XKR9: variants seen among roughly 807,000 people sequenced by gnomAD.
XKR9 encodes XK-related protein 9.
A neutral mutation model predicts 32.0 loss-of-function variants in XKR9; 32 were observed. That is an observed-to-expected ratio of 1.00 (90% CI 0.76 to 1.34). XKR9 has a LOEUF of 1.34. XKR9 is among the 40% of genes most tolerant of loss of function. The pLI, the probability that XKR9 is intolerant of heterozygous loss-of-function variation, is 0.00. For synonymous variants in XKR9, 168 were observed against 143.4 expected (o/e 1.17, Z -1.22); for missense variants, 546 against 429.7 (o/e 1.27, Z -2.39).
the XKR9 span, among the ~76,000 whole-genome samples, chr8:70,808,747 G>A: frequency 6.6e-6 from 1 of 152,224 alleles, no homozygotes; most frequent in African/African-American, 2.4e-5. Context: ...CGAGGCTGGG[G>A]AGGGGCGCCA....
the XKR9 span, among the ~76,000 whole-genome samples, chr8:70,988,076 G>T: frequency 6.6e-6 from 1 of 152,152 alleles, no homozygotes; most frequent in Non-Finnish European, 1.5e-5. Context: ...CCTGGGCCTG[G>T]TCAATGAAAC....
chr8:70,965,159 G>A, the XKR9 span, among the ~76,000 whole-genome samples: 4 of 152,064 alleles, frequency 2.6e-5, no homozygotes, highest in Admixed American at 6.6e-5. Flanking sequence ...AACATGAAGG[G>A]TTGTTGAATT....
At chr8:70,737,313 G>C (rs1319978671), downstream of XKR9, among the ~76,000 whole-genome samples, 1 of 146,466 alleles carries the variant, frequency 6.8e-6, no homozygotes, top group East Asian at 1.9e-4. Flanking sequence ...TTTGTACATT[G>C]ATTTTGTATC....
chr8:70,885,599 A>G, the XKR9 span, among the ~76,000 whole-genome samples: 1 of 146,394 alleles, frequency 6.8e-6, no homozygotes, highest in African/African-American at 2.5e-5. Flanking sequence ...CTGGTGTGTG[A>G]TTTTTTTTTT....
At chr8:70,762,501 T>C (rs112823837) in intron 2 of XKR9, among the ~76,000 whole-genome samples, 37 of 152,264 alleles carry the variant, frequency 2.4e-4, no homozygotes, top group African/African-American at 8.2e-4. Context: ...CAGATCCAGA[T>C]TGTCTGCTCC....
chr8:70,671,506 C>T (rs1818715551), intron 1 of XKR9, among the ~76,000 whole-genome samples: 2 of 85,138 alleles, frequency 2.3e-5, no homozygotes, highest in African/African-American at 7.2e-5. Flanking sequence ...ACCACAGTCC[C>T]CAGAGTGTGA....
At chr8:71,032,031 A>G in the XKR9 span, among the ~76,000 whole-genome samples, 6 of 152,276 alleles carry the variant, frequency 3.9e-5, no homozygotes, top group Non-Finnish European at 7.4e-5. Flanking sequence ...ACGGTGGCTT[A>G]CGCCTGTAAT....
the XKR9 span, among the ~76,000 whole-genome samples, chr8:71,057,927 G>T: frequency 1.3e-5 from 2 of 152,100 alleles, no homozygotes; most frequent in African/African-American, 4.8e-5. Context: ...GCTTATGCCC[G>T]TAATCCCAAT....
chr8:70,867,442 T>C, the XKR9 span, among the ~76,000 whole-genome samples: 1 of 152,168 alleles, frequency 6.6e-6, no homozygotes, highest in Non-Finnish European at 1.5e-5. Flanking sequence ...TACCCCAAAG[T>C]CTTTTCTTTC....
the XKR9 span, among the ~76,000 whole-genome samples, chr8:70,997,583 GA>G: frequency 6.6e-6 from 1 of 150,814 alleles, no homozygotes; most frequent in Non-Finnish European, 1.5e-5. Context: ...AAGGCATAAG[GA>G]TTATACAATG....
chr8:70,757,129 A>G (rs865867385), intron 2 of XKR9, among the ~76,000 whole-genome samples: 6 of 151,962 alleles, frequency 3.9e-5, no homozygotes, highest in Non-Finnish European at 8.8e-5. Flanking sequence ...TAGCTTACTT[A>G]TATGACCTAT....
At chr8:70,690,711 A>C (rs1421284799) in intron 3 of XKR9, among the ~76,000 whole-genome samples, 1 of 152,156 alleles carries the variant, frequency 6.6e-6, no homozygotes, top group Non-Finnish European at 1.5e-5. Flanking sequence ...TAGTTTGCTA[A>C]GGATGATAGC....
chr8:70,833,548 G>A, the XKR9 span, among the ~76,000 whole-genome samples: 10 of 152,164 alleles, frequency 6.6e-5, no homozygotes, highest in Admixed American at 1.3e-4. Flanking sequence ...GTGCCTTGTA[G>A]AAGCTATACC....
At chr8:70,976,983 T>G in the XKR9 span, among the ~76,000 whole-genome samples, 1 of 152,238 alleles carries the variant, frequency 6.6e-6, no homozygotes, top group African/African-American at 2.4e-5. Flanking sequence ...CCATTTCTTC[T>G]AGATTTTCTA....
At chr8:70,787,491 A>C (rs1430335316) in intron 2 of XKR9, among the ~76,000 whole-genome samples, 2 of 152,124 alleles carry the variant, frequency 1.3e-5, no homozygotes, top group African/African-American at 2.4e-5. Flanking sequence ...CCAGGACCTG[A>C]GGAGAGTGAA....
chr8:70,884,864 T>A, the XKR9 span, among the ~76,000 whole-genome samples: 3 of 152,184 alleles, frequency 2.0e-5, no homozygotes, highest in Admixed American at 2.0e-4. Context: ...ATTCTAGTAC[T>A]TTTGCCTTTC....
the XKR9 span, among the ~76,000 whole-genome samples, chr8:70,997,677 C>T: frequency 6.6e-6 from 1 of 152,076 alleles, no homozygotes; most frequent in African/African-American, 2.4e-5. Context: ...ACTGCTTGGG[C>T]GATGGGTATA....
the XKR9 span, among the ~76,000 whole-genome samples, chr8:70,945,357 A>G: frequency 1.3e-5 from 2 of 152,202 alleles, no homozygotes; most frequent in Non-Finnish European, 2.9e-5. Flanking sequence ...ACTGCTGAGT[A>G]AAGTCTCATA....
In XKR9 at chr8:70,735,459, A is replaced by G. The variant is rs1000962412; in HGVS notation, c.*1035A>G. ...TATTTATTTTTAATTTTTTAATTTT[A>G]TATTATTATTATTATTATTATACTT... On this transcript the variant is annotated 3_prime_UTR_variant, in exon 5 of 5. Coordinates refer to ENST00000408926, the MANE Select transcript of XKR9 (RefSeq NM_001011720.2). The G allele has an allele frequency of 7.4e-5, 11 of 149,174 alleles. No individual in the cohort carries two copies. The highest frequency in any genetic ancestry group is 1.6e-4 in the Non-Finnish European group (11 of 67,236). The allele number at this position is 149,174 out of a possible 1,614,324, so 9.2% of individuals were successfully genotyped here. A position where few individuals can be genotyped will look rare whatever the true frequency, so the allele number is the denominator to read the frequency against.
Sources: allele counts gnomAD v4.1 joint callset (sites outside exome capture counted in the v4.1 genomes callset), GRCh38; gene constraint gnomAD v4.1.1; transcripts MANE v1.5; gene names NCBI Gene and HGNC (gene_info 2026-07-23, HGNC 2026-07-21).